The following RPGR variants were observed in gnomAD, a reference collection of about 807,000 sequenced individuals.
RPGR encodes retinitis pigmentosa GTPase regulator.
A neutral mutation model predicts 56.3 loss-of-function variants in RPGR; 10 were observed. The observed-to-expected ratio is 0.18, with a 90% CI of 0.11 to 0.30. RPGR has a LOEUF of 0.30. RPGR is among the 10% of genes least tolerant of loss of function. The pLI is 1.00. For missense variants in RPGR, 538 were observed against 590.9 expected, an observed-to-expected ratio of 0.91 and a Z score of 0.93; for synonymous variants, 197 against 212.9, an observed-to-expected ratio of 0.93 and a Z score of 0.65.
chrX:38,304,925 A>G, intron 7 of RPGR, 135 bp from the exon 8 acceptor site: 1 of 523,663 alleles, frequency 1.9e-6, no homozygotes, highest in Non-Finnish European at 3.3e-6. Context: ...ACATTTAAGA[A>G]TACTTAATAT....
chrX:38,286,951 C>T, intron 15 of RPGR: 1 of 1,209,204 alleles, frequency 8.3e-7, no homozygotes, highest in Non-Finnish European at 1.1e-6. Context: ...CATTTCTCCT[C>T]TACCCTTGTC....
rs1264941649 is a variant in RPGR, at chrX:38,301,344, T to C, written c.962A>G (p.Asp321Gly). 3.3e-6 allele frequency: 4 copies of C among 1,207,119 alleles called. No individual in the cohort carries two copies. Among genetic ancestry groups the C allele is most frequent in the Non-Finnish European group, 1.1e-6 (1 of 891,533 alleles). Residue 321 changes from aspartate to glycine, a missense_variant, in exon 9 of 19, where the codon GAT becomes GGT. Asp to Gly is a moderately conservative substitution (Grantham distance 94). Transcript: ENST00000642395. ...AAGTCCTAATTTTCCGTGGCGACCA[T>C]CTCCAAAAGTATACATAAGGCCGAT...
intron 15 of RPGR, among the ~76,000 whole-genome samples, chrX:38,278,438 G>A (rs192725518): frequency 1.7e-4 from 19 of 111,768 alleles, no homozygotes; most frequent in African/African-American, 4.6e-4. Flanking sequence ...ACGGGGTTTC[G>A]CCATGTTGGC....
In RPGR at chrX:38,291,414, T is replaced by A. The variant is rs756979959; in HGVS notation, c.1485A>T (p.Glu495Asp). 2.6e-6 allele frequency: 3 copies of A among 1,152,552 alleles called. No individual in the cohort carries two copies. The South Asian group carries it at 5.4e-5, about 21-fold the overall frequency. 95.0% of individuals were successfully genotyped at this position (1,152,552 alleles called of 1,213,427 possible). ...TTACCATGTTTAAGATATCAGTAGT[T>A]TCTCCAAGGCTTTCTACAGTTGAAG... Residue 495 changes from glutamate to aspartate, a missense_variant, in exon 12 of 19, where the codon GAA becomes GAT. Physicochemically the swap from Glu to Asp is conservative, Grantham distance 45. Coordinates refer to ENST00000642395, the MANE Select transcript of RPGR (RefSeq NM_000328.3).
intron 16 of RPGR, among the ~76,000 whole-genome samples, chrX:38,276,358 G>A (rs1475304176): frequency 8.9e-6 from 1 of 111,747 alleles, no homozygotes; most frequent in Non-Finnish European, 1.9e-5. Context: ...CCACTCATGC[G>A]GGAGGCAGAA....
In RPGR at chrX:38,304,709, T is replaced by C. The variant is rs1165035257; in HGVS notation, c.860A>G (p.Lys287Arg). 1 of 1,205,910 alleles carries C rather than the reference T, an allele frequency of 8.3e-7. No individual in the cohort carries two copies. Among genetic ancestry groups the C allele is most frequent in the East Asian group, 3.0e-5 (1 of 33,768 alleles). ...TTGATCCCTAATATTCTCAATGACT[T>C]TGGGTTCTGAAGTTTCAAAAAGAAA... The change falls in exon 8 of 19, where the codon AAA becomes AGA. Residue 287 changes from lysine to arginine, a missense_variant. Around this residue, in one of 2 missense-constraint regions of RPGR, gnomAD observed 181 missense variants for 265.1 expected, o/e 0.68. Coordinates refer to ENST00000642395, the MANE Select transcript of RPGR (RefSeq NM_000328.3).
chrX:38,309,156 GTAGT>G (rs2067660691), intron 7 of RPGR, among the ~76,000 whole-genome samples: 1 of 111,952 alleles, frequency 8.9e-6, no homozygotes, highest in Non-Finnish European at 1.9e-5. Context: ...ATATTAGCAA[GTAGT>G]GAGTATATTT....
At chrX:38,320,189 CT>C (rs2067906203) in intron 4 of RPGR, among the ~76,000 whole-genome samples, 1 of 105,384 alleles carries the variant, frequency 9.5e-6, no homozygotes, top group Non-Finnish European at 1.9e-5. Context: ...AGAAAAGACA[CT>C]TCAGAAAGGG....
chrX:38,297,097 TAGGAGC>T (rs2067396876), intron 11 of RPGR, among the ~76,000 whole-genome samples, 181 bp downstream of exon 11: 1 of 112,121 alleles, frequency 8.9e-6, no homozygotes, highest in Non-Finnish European at 1.9e-5. Context: ...ATGGCAGTCT[TAGGAGC>T]ACTGATGGTG....
intron 18 of RPGR, among the ~76,000 whole-genome samples, chrX:38,270,070 C>A (rs889534006): frequency 9.0e-6 from 1 of 111,652 alleles, no homozygotes; most frequent in African/African-American, 3.3e-5. Flanking sequence ...ACACCATCAA[C>A]ACCTTGGTGA....
Position 38,311,125 on chromosome X carries a change from A to G in RPGR, c.620-352T>C, listed in dbSNP as rs139020082. On this transcript the variant is annotated intron_variant, in intron 6 of 18. Transcript: ENST00000642395. ...GTATCCCCAAAACCTAGCAGTGTCT[A>G]GAACAAGCACTTAATATTTGTGGAA... Among the ~76,000 whole-genome samples the G allele has an allele frequency of 7.4e-3, 832 of 112,803 alleles. 8 individuals carry two copies. Among genetic ancestry groups the G allele is most frequent in the African/African-American group, 0.024 (757 of 31,079 alleles).
At chrX:38,288,379 C>T (rs923826047) in intron 13 of RPGR, among the ~76,000 whole-genome samples, 1 of 111,940 alleles carries the variant, frequency 8.9e-6, no homozygotes, top group Non-Finnish European at 1.9e-5. Context: ...CATAAAACTT[C>T]GAGATTAATT....
In RPGR at chrX:38,286,846, C is replaced by T. The variant is rs773679348; in HGVS notation, c.1905+248G>A. 8 of 1,182,395 alleles carry T rather than the reference C, an allele frequency of 6.8e-6. No homozygotes were observed. In the African/African-American group the frequency reaches 1.5e-4, roughly 22 times the overall value. On this transcript the variant is annotated intron_variant, in intron 15 of 18. Coordinates refer to ENST00000642395, the MANE Select transcript of RPGR (RefSeq NM_000328.3). ...CTCTTGGTTTCTTTCCTTCTGATGG[C>T]CCTGCTCCCTCTCCTTTTGCTCCTG...
At chrX:38,286,044 T>G in intron 15 of RPGR, 1 of 447,674 alleles carries the variant, frequency 2.2e-6, no homozygotes, top group Non-Finnish European at 3.1e-6. Flanking sequence ...CCCCTTCTCC[T>G]TCCTCCTCTT....
chrX:38,285,414 C>CTT (rs35637775), intron 15 of RPGR: 3 of 1,029,743 alleles, frequency 2.9e-6, no homozygotes, highest in Admixed American at 3.4e-5. Context: ...GCATCAGTTG[C>CTT]TTTTTTTTTT....
At chrX:38,299,554 C>T (rs764792462) in intron 9 of RPGR, among the ~76,000 whole-genome samples, 4 of 111,183 alleles carry the variant, frequency 3.6e-5, no homozygotes, top group African/African-American at 1.3e-4. Context: ...AAGTATAAAT[C>T]AGTCTCTTGA....
In RPGR at chrX:38,285,682, T is replaced by G. The variant is rs574644551; in HGVS notation, c.1905+1412A>C. 4.1e-6 allele frequency: 5 copies of G among 1,209,316 alleles called. No homozygotes were observed. Among genetic ancestry groups the G allele is most frequent in the Non-Finnish European group, 5.6e-6 (5 of 894,995 alleles). Reference sequence around the variant, plus strand: ...ATTTCCCTGTGTGTTAGTAACTGACTTTTTTTGATATGTTTTATGTTTGCC... The same window carrying G: ...ATTTCCCTGTGTGTTAGTAACTGACGTTTTTTGATATGTTTTATGTTTGCC... On this transcript the variant is annotated intron_variant, in intron 15 of 18. Transcript: ENST00000642395.
chrX:38,300,105 A>T (rs2147235484), intron 9 of RPGR, among the ~76,000 whole-genome samples: 1 of 111,017 alleles, frequency 9.0e-6, no homozygotes, highest in East Asian at 2.8e-4. Flanking sequence ...ACCTGCCACC[A>T]CGCCCAGCTA....
chrX:38,285,443 G>T, intron 15 of RPGR: 2 of 1,159,712 alleles, frequency 1.7e-6, no homozygotes, highest in Non-Finnish European at 2.3e-6. Flanking sequence ...TAAAATAATT[G>T]ACATAAAATC....
Sources: allele counts gnomAD v4.1 joint callset (sites outside exome capture counted in the v4.1 genomes callset), GRCh38; gene constraint gnomAD v4.1.1; regional missense constraint gnomAD v4.1.1; transcripts MANE v1.5; gene names NCBI Gene and HGNC (gene_info 2026-07-23, HGNC 2026-07-21).